The following ZBTB40 variants were observed in gnomAD, a reference collection of about 807,000 sequenced individuals.
ZBTB40 encodes zinc finger and BTB domain-containing protein 40.
ZBTB40 carries 60 observed loss-of-function variants against 117.5 expected under a neutral mutation model. That is an observed-to-expected ratio of 0.51 (90% CI 0.41 to 0.63). ZBTB40 has a LOEUF of 0.63. Ranked by LOEUF, ZBTB40 falls within the 30% of genes least tolerant of loss-of-function variation. The pLI is 0.00. For synonymous variants in ZBTB40, 525 were observed against 577.1 expected (o/e 0.91, Z 1.29); for missense variants, 1,287 against 1,498.5 (o/e 0.86, Z 2.33).
At position 22,483,315 on chromosome 1, in the gene ZBTB40, G is replaced by A. The variant is rs117728499; in HGVS notation, c.-69-6565G>A. Among the ~76,000 whole-genome samples, 140 of 152,236 alleles carry A rather than the reference G, an allele frequency of 9.2e-4. 3 individuals carry two copies. The East Asian group carries it at 0.024, about 26-fold the overall frequency. On this transcript the variant is annotated intron_variant, in intron 1 of 17. Coordinates refer to ENST00000375647, the MANE Select transcript of ZBTB40 (RefSeq NM_014870.4). ...TTCAACCCCTTTGGTTAATTACCAA[G>A]GAATGTGATTACTAGATCATGTGGC...
chr1:22,474,449 C>T (rs2124409015), intron 1 of ZBTB40, among the ~76,000 whole-genome samples: 1 of 152,334 alleles, frequency 6.6e-6, no homozygotes, highest in South Asian at 2.1e-4. Context: ...CTAAAAGCTA[C>T]AGTCACCCTT....
upstream of ZBTB40, among the ~76,000 whole-genome samples, chr1:22,448,672 C>G: frequency 6.6e-6 from 1 of 151,980 alleles, no homozygotes; most frequent in East Asian, 1.9e-4. Flanking sequence ...AAAAATGTTA[C>G]CTACTTCATT....
At chr1:22,468,318 A>T (rs993091493) in intron 1 of ZBTB40, among the ~76,000 whole-genome samples, 9 of 152,094 alleles carry the variant, frequency 5.9e-5, no homozygotes, top group African/African-American at 1.7e-4. Context: ...CCAATTAAAT[A>T]CTGTCACTGA....
chr1:22,448,240 A>C (rs542048912), upstream of ZBTB40, among the ~76,000 whole-genome samples: 10 of 152,196 alleles, frequency 6.6e-5, no homozygotes, highest in Admixed American at 2.0e-4. Flanking sequence ...CAATCGATCT[A>C]TCTCTCTTGG....
chr1:22,491,173 G>C (rs1255849376), intron 2 of ZBTB40, among the ~76,000 whole-genome samples: 1 of 152,190 alleles, frequency 6.6e-6, no homozygotes, highest in East Asian at 1.9e-4. Flanking sequence ...GGGATTACAG[G>C]CGTGAGCCAC....
At chr1:22,433,656 T>TAGGG (rs1310811881) in intron 1 of ZBTB40, among the ~76,000 whole-genome samples, 4 of 138,830 alleles carry the variant, frequency 2.9e-5, no homozygotes, top group African/African-American at 7.6e-5. Context: ...GGACTACCCC[T>TAGGG]GTAGTCCTAG....
intron 1 of ZBTB40, among the ~76,000 whole-genome samples, chr1:22,485,589 G>A (rs1480948134): frequency 6.6e-6 from 1 of 152,004 alleles, no homozygotes; most frequent in Non-Finnish European, 1.5e-5. Flanking sequence ...TCCTGGATCT[G>A]TGATGTGGTG....
chr1:22,449,505 TCAGCCC>T (rs1240125401), upstream of ZBTB40, among the ~76,000 whole-genome samples: 1 of 152,194 alleles, frequency 6.6e-6, no homozygotes, highest in Non-Finnish European at 1.5e-5. Context: ...TGTAGGCAAG[TCAGCCC>T]CATGAGAACT....
chr1:22,465,105 C>CCCG (rs1457407992), intron 1 of ZBTB40, among the ~76,000 whole-genome samples: 2 of 152,152 alleles, frequency 1.3e-5, no homozygotes, highest in African/African-American at 2.4e-5. Flanking sequence ...TCAGAGGAGA[C>CCCG]CCGCGATGGT....
chr1:22,504,135 T>G (rs1228113155), intron 5 of ZBTB40, among the ~76,000 whole-genome samples: 1 of 152,212 alleles, frequency 6.6e-6, no homozygotes, highest in African/African-American at 2.4e-5. Context: ...TGAAGCAGAC[T>G]AAGAAAGTGG....
Position 22,508,712 on chromosome 1 carries a change from C to T in ZBTB40, c.1680C>T (p.Ala560=), listed in dbSNP as rs1639144597. 6 of 1,613,682 alleles carry T rather than the reference C, an allele frequency of 3.7e-6. No homozygotes were observed. Among genetic ancestry groups the T allele is most frequent in the South Asian group, 1.1e-5 (1 of 91,062 alleles). Residue 560 remains alanine (A), a synonymous_variant, in exon 8 of 18, where the codon GCC becomes GCT. Transcript: ENST00000375647. ...AGGAAATACGAAGGGAGCCTGGTGC[C>T]GATGCTTTCTTCCGGGCAGGTAAGT... ...LMEEIRREPG[A]DAFFRAVTTP...
rs137873686 is a variant in ZBTB40, at chr1:22,526,441, G to T, written c.*45G>T. The T allele has an allele frequency of 1.1e-4, 183 of 1,611,320 alleles. No homozygotes were observed. The highest frequency in any genetic ancestry group is 1.5e-4 in the Non-Finnish European group (178 of 1,179,662). On this transcript the variant is annotated 3_prime_UTR_variant, in exon 18 of 18. Coordinates refer to ENST00000375647, the MANE Select transcript of ZBTB40 (RefSeq NM_014870.4). ...AGCCTTCCTGCGTTTGCAGCAGAGA[G>T]GAGGCCCCACAGCTTGCCCTTTGCC...
chr1:22,432,825 A>G lies in ZBTB40; in HGVS notation c.-70+3811A>G, dbSNP rs545961662. 2.6e-5 allele frequency among the ~76,000 whole-genome samples: 4 copies of G among 152,342 alleles called. No homozygotes were observed. In the East Asian group the frequency reaches 7.7e-4, roughly 29 times the overall value. On this transcript the variant is annotated intron_variant, in intron 1 of 8. Transcript: ENST00000650433. ...TAATGTAAGTGCAGCAGTTTGACAA[A>G]TTACTTCCAGTAGGACAAATCCAGA...
At chr1:22,493,102 A>G (rs1490327210) in intron 3 of ZBTB40, among the ~76,000 whole-genome samples, 2 of 152,228 alleles carry the variant, frequency 1.3e-5, no homozygotes, top group Non-Finnish European at 2.9e-5. Flanking sequence ...GGCATGTAAC[A>G]GGTGATGAAG....
At chr1:22,429,236 G>C (rs1390676285) in intron 1 of ZBTB40, among the ~76,000 whole-genome samples, 1 of 152,208 alleles carries the variant, frequency 6.6e-6, no homozygotes, top group East Asian at 1.9e-4. Context: ...CAAAAAATTA[G>C]CCGGGCGTGG....
upstream of ZBTB40, among the ~76,000 whole-genome samples, chr1:22,447,102 CAAA>C (rs74800364): frequency 9.7e-6 from 1 of 102,614 alleles, no homozygotes. Context: ...GACCTTATCT[CAAA>C]AAAAAAAAAA....
intron 1 of ZBTB40, among the ~76,000 whole-genome samples, chr1:22,479,425 G>GATTAT: frequency 6.6e-6 from 1 of 152,122 alleles, no homozygotes; most frequent in South Asian, 2.1e-4. Flanking sequence ...AGCCTGACCT[G>GATTAT]ATAGTTTATC....
intron 1 of ZBTB40, among the ~76,000 whole-genome samples, chr1:22,478,499 G>A (rs972226521): frequency 6.6e-6 from 1 of 152,086 alleles, no homozygotes; most frequent in East Asian, 1.9e-4. Context: ...TGCCCACCTC[G>A]GCCTCCCAAA....
intron 2 of ZBTB40, 134 bp from the exon 3 acceptor site, chr1:22,491,266 A>G (rs1638623902): frequency 5.7e-6 from 5 of 881,410 alleles, no homozygotes. Context: ...GTTGTCTGTT[A>G]TTCATAACTG....
Sources: allele counts gnomAD v4.1 joint callset (sites outside exome capture counted in the v4.1 genomes callset), GRCh38; gene constraint gnomAD v4.1.1; transcripts MANE v1.5; gene names NCBI Gene and HGNC (gene_info 2026-07-23, HGNC 2026-07-21).